Variants in ZNF829 observed in about 807,000 individuals in gnomAD.
ZNF829 encodes the protein zinc finger protein 829.
ZNF829 carries 25 observed loss-of-function variants against 35.2 expected under a neutral mutation model. The ratio of observed to expected loss-of-function variants is 0.71; its 90% CI spans 0.52 to 0.99. The LOEUF (loss-of-function observed/expected upper bound fraction) is 0.99, where lower values mean the gene tolerates loss of function less well. ZNF829 is among the 50% of genes least tolerant of loss of function. ZNF829 has a pLI of 0.00. For synonymous variants in ZNF829, 136 were observed against 163.2 expected, an observed-to-expected ratio of 0.83 and a Z score of 1.27; for missense variants, 417 against 515.3, an observed-to-expected ratio of 0.81 and a Z score of 1.85.
chr19:36,891,541 A>G lies in ZNF829; in HGVS notation c.1250T>C (p.Phe417Ser), dbSNP rs757970073. 6.2e-7 allele frequency: 1 copy of G among 1,604,772 alleles called. No homozygotes were observed. Residue 417 changes from phenylalanine to serine, a missense_variant, in exon 6 of 6, where the codon TTT becomes TCT. Phe to Ser is a radical substitution (Grantham distance 155, BLOSUM62 -2). Coordinates refer to ENST00000391711, the MANE Select transcript of ZNF829 (RefSeq NM_001037232.4). ...PYDCKECGKA[F>S]GSRSDLIRHE... ...GCGAATGAGGTCAGAGCGACTACCA[A>G]AAGCCTTTCCACATTCCTTACAGTC...
At position 36,891,643 on chromosome 19, in the gene ZNF829, T is replaced by C; in HGVS notation, c.1148A>G (p.Asn383Ser). ...IHTDEKPYEC[N>S]ECGKAFNKGS... ...TTTATTAAAGGCCTTCCCACATTCA[T>C]TACATTCATATGGTTTTTCATCTGT... The change falls in exon 6 of 6, where the codon AAT (asparagine) becomes AGT (serine). Residue 383 changes from asparagine to serine, a missense_variant. Transcript: ENST00000391711. 1.9e-6 allele frequency: 3 copies of C among 1,613,610 alleles called. No individual in the cohort carries two copies. The highest frequency in any genetic ancestry group is 1.1e-5 in the South Asian group (1 of 90,996).
chr19:36,916,236 C>T lies in ZNF829; in HGVS notation c.-310G>A. 1 of 363,260 alleles carries T rather than the reference C, an allele frequency of 2.8e-6. No homozygotes were observed. Among genetic ancestry groups the T allele is most frequent in the Non-Finnish European group, 5.0e-6 (1 of 201,288 alleles). 22.5% of individuals were successfully genotyped at this position (363,260 alleles called of 1,614,324 possible). A position where few individuals can be genotyped will look rare whatever the true frequency, so the allele number is the denominator to read the frequency against. On this transcript the variant is annotated 5_prime_UTR_variant, in exon 1 of 6. Coordinates refer to ENST00000391711, the MANE Select transcript of ZNF829 (RefSeq NM_001037232.4). This position sits in a 1 kb window ranked among gnomAD's most constrained non-coding sequence, Gnocchi z 5.3. ...CGTAGCGCTGCGCAATGGAGATGAG[C>T]CTCCCGGGGAACCCGGCCCAAGCCT...
Position 36,891,297 on chromosome 19 carries a change from G to T in ZNF829, c.*195C>A, listed in dbSNP as rs2073048881. 7.6e-6 allele frequency: 4 copies of T among 527,836 alleles called. No homozygotes were observed. In the East Asian group the frequency reaches 1.3e-4, roughly 17 times the overall value. 32.7% of individuals were successfully genotyped at this position (527,836 alleles called of 1,614,324 possible). On this transcript the variant is annotated 3_prime_UTR_variant, in exon 6 of 6. Transcript: ENST00000391711. ...CAGCACCCTTGAGTTTAGATTTCCAGGCTCTAAACTATGAGAGAATAAATT... is the reference window on the plus strand; with the variant it reads ...CAGCACCCTTGAGTTTAGATTTCCATGCTCTAAACTATGAGAGAATAAATT...
chr19:36,888,144 T>G lies in ZNF829; in HGVS notation c.*3348A>C, dbSNP rs1279613103. The G allele has an allele frequency of 1.3e-5, 2 of 152,130 alleles. No individual in the cohort carries two copies. Among genetic ancestry groups the G allele is most frequent in the Non-Finnish European group, 1.5e-5 (1 of 68,020 alleles). 9.4% of individuals were successfully genotyped at this position (152,130 alleles called of 1,614,324 possible). On this transcript the variant is annotated 3_prime_UTR_variant, in exon 6 of 6. Transcript: ENST00000391711. ...CAACGTGATGGTGAAACAGAAGAGT[T>G]TATAGTAACATGAACATGCCTGTTA...
In ZNF829 at chr19:36,908,359, T is replaced by C. The variant is rs1205245799; in HGVS notation, c.197A>G (p.Glu66Gly). 1.1e-5 allele frequency: 18 copies of C among 1,613,604 alleles called. 1 individual carries two copies. Among genetic ancestry groups the C allele is most frequent in the South Asian group, 7.7e-5 (7 of 90,960 alleles). Reference protein sequence around the residue: ...QMNLYKEVMLENFSNLVSVGL... With the variant: ...QMNLYKEVMLGNFSNLVSVGL... ...CACTGAAACCAGGTTGCTGAAATTC[T>C]CCAACATCACTTCTTTGTATAAATT... Residue 66 changes from glutamate to glycine, a missense_variant, in exon 4 of 6, where the codon GAG becomes GGG. Coordinates refer to ENST00000391711, the MANE Select transcript of ZNF829 (RefSeq NM_001037232.4).
chr19:36,901,227 C>A (rs1198682431), intron 5 of ZNF829, among the ~76,000 whole-genome samples: 1 of 152,054 alleles, frequency 6.6e-6, no homozygotes, highest in Non-Finnish European at 1.5e-5. Context: ...ACGGATGAAC[C>A]CTGAAAAGCA....
At chr19:36,911,475 G>C (rs903126177) in intron 3 of ZNF829, among the ~76,000 whole-genome samples, 7 of 152,114 alleles carry the variant, frequency 4.6e-5, no homozygotes, top group Non-Finnish European at 1.0e-4. Context: ...GCCTCCCAAA[G>C]TCCTGGGATT....
chr19:36,912,022 ACAAGT>A (rs2073268621), intron 3 of ZNF829, among the ~76,000 whole-genome samples: 1 of 152,216 alleles, frequency 6.6e-6, no homozygotes, highest in Admixed American at 6.5e-5. Context: ...CAACACCAAA[ACAAGT>A]CAAGAAAGAC....
intron 5 of ZNF829, chr19:36,905,984 G>T (rs906073661): frequency 7.2e-5 from 11 of 152,220 alleles, no homozygotes; most frequent in Non-Finnish European, 1.5e-4. Context: ...TATAGAATGG[G>T]AAAAGGACAG....
At chr19:36,896,920 G>A (rs1428277550) in intron 5 of ZNF829, among the ~76,000 whole-genome samples, 3 of 152,042 alleles carry the variant, frequency 2.0e-5, no homozygotes, top group Non-Finnish European at 4.4e-5. Flanking sequence ...ACTACTACAG[G>A]CAACTATATG....
At chr19:36,893,743 A>T (rs767312927) in intron 5 of ZNF829, among the ~76,000 whole-genome samples, 2 of 152,196 alleles carry the variant, frequency 1.3e-5, no homozygotes, top group African/African-American at 2.4e-5. Flanking sequence ...AGTCTGGGTG[A>T]GTCCCTAAAA....
At chr19:36,900,199 A>AC (rs1264267618) in intron 5 of ZNF829, among the ~76,000 whole-genome samples, 5 of 123,160 alleles carry the variant, frequency 4.1e-5, no homozygotes, top group African/African-American at 1.6e-4. Flanking sequence ...CACACACACA[A>AC]ATTTGCTGGG....
At chr19:36,907,770 T>A in intron 5 of ZNF829, 159 bp downstream of exon 5, 1 of 559,088 alleles carries the variant, frequency 1.8e-6, no homozygotes, top group Non-Finnish European at 3.1e-6. Context: ...GCCAGGGAGG[T>A]ACTTGCTATA....
At chr19:36,892,903 GC>G in intron 5 of ZNF829, 4 of 1,145,728 alleles carry the variant, frequency 3.5e-6, no homozygotes, top group Non-Finnish European at 4.4e-6. Context: ...CCATCAGCAT[GC>G]CCAGGCAGGG....
chr19:36,906,527 T>C (rs2073216672), intron 5 of ZNF829: 1 of 152,222 alleles, frequency 6.6e-6, no homozygotes, highest in Admixed American at 6.5e-5. Flanking sequence ...GTAACCTTCA[T>C]ACTGCTAGTA....
rs2073037481 is a variant in ZNF829, at chr19:36,890,286, GTA to G, written c.*1204_*1205del. 6.6e-6 allele frequency: 1 copy of G among 152,238 alleles called. No homozygotes were observed. Among genetic ancestry groups the G allele is most frequent in the African/African-American group, 2.4e-5 (1 of 41,428 alleles). 9.4% of individuals were successfully genotyped at this position (152,238 alleles called of 1,614,324 possible). ...CAGATGTCTGTTGGGTCCATTTGGT[GTA>G]GAGTCCAATTTAAGTCCAGAGTTTC... On this transcript the variant is annotated 3_prime_UTR_variant, in exon 6 of 6. Coordinates refer to ENST00000391711, the MANE Select transcript of ZNF829 (RefSeq NM_001037232.4).
chr19:36,910,894 C>G (rs1444704456), intron 3 of ZNF829, among the ~76,000 whole-genome samples: 2 of 152,104 alleles, frequency 1.3e-5, no homozygotes, highest in Admixed American at 6.5e-5. Context: ...GTAATCCCAG[C>G]TACTCAGAAG....
Position 36,916,188 on chromosome 19 carries a change from C to T in ZNF829, c.-262G>A, listed in dbSNP as rs574018567. ...GCTCCCTCAACTCTCAACATCCAGC[C>T]GAGCCTCGGAGTTGCGGGTCGCCGT... On this transcript the variant is annotated 5_prime_UTR_variant, in exon 1 of 6. Transcript: ENST00000391711. The surrounding 1 kb of genome is among the most constrained non-coding windows in gnomAD (Gnocchi z 5.3). 86 of 482,040 alleles carry T rather than the reference C, an allele frequency of 1.8e-4. No individual in the cohort carries two copies. Among genetic ancestry groups the T allele is most frequent in the African/African-American group, 1.6e-3 (79 of 50,218 alleles). 29.9% of individuals were successfully genotyped at this position (482,040 alleles called of 1,614,324 possible).
chr19:36,904,572 G>A (rs2073199877), intron 5 of ZNF829, among the ~76,000 whole-genome samples: 1 of 152,094 alleles, frequency 6.6e-6, no homozygotes, highest in Non-Finnish European at 1.5e-5. Flanking sequence ...GTTAATTTTT[G>A]TATTTTTAGT....
Sources: gnomAD v4.1 joint callset for allele counts (sites outside exome capture counted in the v4.1 genomes callset) on GRCh38, gnomAD v4.1.1 for gene constraint, Gnocchi (gnomAD v3.1) non-coding constraint, MANE v1.5 for transcripts, NCBI Gene and HGNC (gene_info 2026-07-23, HGNC 2026-07-21) for gene names.